PRKG1: variants seen among roughly 807,000 people sequenced by gnomAD.
The protein encoded by PRKG1 is protein kinase cGMP-dependent 1.
Under a neutral mutation model 88.1 loss-of-function variants are expected in PRKG1, and 35 were observed. That is an observed-to-expected ratio of 0.40 (90% CI 0.30 to 0.53). The LOEUF is 0.53. Ranked by LOEUF, PRKG1 falls within the 20% of genes least tolerant of loss-of-function variation. The probability of loss-of-function intolerance (pLI) is 0.59; values close to 1 mark genes in which losing one functional copy is unlikely to be tolerated. For missense variants in PRKG1, 540 were observed against 839.8 expected (o/e 0.64, Z 4.41); for synonymous variants, 303 against 292.5 (o/e 1.04, Z -0.37).
At chr10:51,058,854 C>A (rs1202203299) in intron 1 of PRKG1, among the ~76,000 whole-genome samples, 2 of 152,110 alleles carry the variant, frequency 1.3e-5, no homozygotes, top group African/African-American at 4.8e-5. Context: ...AAAAGGGGCA[C>A]AAGATTCATT....
At chr10:51,898,090 G>C (rs745394857) in intron 4 of PRKG1, among the ~76,000 whole-genome samples, 3 of 152,002 alleles carry the variant, frequency 2.0e-5, no homozygotes, top group Non-Finnish European at 4.4e-5. Flanking sequence ...GAATCTACCA[G>C]GCACTTAAAA....
At chr10:51,995,396 A>G (rs1317407035) in intron 5 of PRKG1, among the ~76,000 whole-genome samples, 2 of 152,226 alleles carry the variant, frequency 1.3e-5, no homozygotes, top group African/African-American at 4.8e-5. Context: ...AATGATCTGG[A>G]TAATAAAGGT....
chr10:52,293,863 C>T lies in PRKG1; in HGVS notation c.2024C>T (p.Pro675Leu), dbSNP rs1167875682. 2 of 1,612,910 alleles carry T rather than the reference C, an allele frequency of 1.2e-6. No individual in the cohort carries two copies. The highest frequency in any genetic ancestry group is 2.2e-5 in the South Asian group (2 of 90,978). Residue 675 changes from proline (P) to leucine (L), a missense_variant, in exon 18 of 18, where the codon CCA becomes CTA. Transcript: ENST00000373980. ...TTCCCTGAGGACAACGATGAACCACCACCTGATGACAACTCAGGATGGGAT... is the reference window on the plus strand; with the variant it reads ...TTCCCTGAGGACAACGATGAACCACTACCTGATGACAACTCAGGATGGGAT... ...DSFPEDNDEPPPDDNSGWDID... is the reference protein window; with the variant it reads ...DSFPEDNDEPLPDDNSGWDID...
intron 2 of PRKG1, among the ~76,000 whole-genome samples, chr10:51,442,319 C>G (rs571085074): frequency 2.0e-5 from 3 of 151,796 alleles, no homozygotes; most frequent in Non-Finnish European, 4.4e-5. Context: ...TTTTTTAAAG[C>G]AAATCAAATT....
intron 2 of PRKG1, among the ~76,000 whole-genome samples, chr10:51,289,172 G>A (rs536607550): frequency 6.6e-6 from 1 of 152,192 alleles, no homozygotes; most frequent in East Asian, 1.9e-4. Context: ...AAGTCCATGA[G>A]CAAGTCCAGG....
At chr10:52,138,293 C>T (rs1005320007) in intron 8 of PRKG1, among the ~76,000 whole-genome samples, 8 of 152,064 alleles carry the variant, frequency 5.3e-5, no homozygotes, top group African/African-American at 1.7e-4. Context: ...TTTTGTTGGT[C>T]AGTTCCTGGG....
At chr10:51,517,183 A>G (rs1841612635) in intron 3 of PRKG1, among the ~76,000 whole-genome samples, 1 of 152,242 alleles carries the variant, frequency 6.6e-6, no homozygotes, top group South Asian at 2.1e-4. Context: ...AGAAACAGTT[A>G]CAACTGAATG....
chr10:52,260,597 C>A (rs1315650318), intron 10 of PRKG1, among the ~76,000 whole-genome samples: 1 of 152,002 alleles, frequency 6.6e-6, no homozygotes, highest in Non-Finnish European at 1.5e-5. Flanking sequence ...TATTCATGTG[C>A]TCAATTTAAA....
At chr10:50,998,689 A>T (rs574238739) in intron 1 of PRKG1, among the ~76,000 whole-genome samples, 13 of 152,374 alleles carry the variant, frequency 8.5e-5, no homozygotes, top group African/African-American at 2.9e-4. Context: ...CAGAGGTTGC[A>T]GTGAGCCAAG....
At chr10:51,839,391 C>A (rs2132771362) in intron 4 of PRKG1, among the ~76,000 whole-genome samples, 1 of 152,286 alleles carries the variant, frequency 6.6e-6, no homozygotes, top group East Asian at 1.9e-4. Context: ...CACCCCACCT[C>A]TACCATGTTG....
chr10:52,082,702 A>G (rs1001904063), intron 7 of PRKG1, among the ~76,000 whole-genome samples: 1 of 152,110 alleles, frequency 6.6e-6, no homozygotes, highest in African/African-American at 2.4e-5. Flanking sequence ...TTTTTCTGTC[A>G]TAACACTTTC....
intron 3 of PRKG1, among the ~76,000 whole-genome samples, chr10:51,761,551 T>C (rs1838022155): frequency 6.6e-6 from 1 of 152,202 alleles, no homozygotes; most frequent in African/African-American, 2.4e-5. Context: ...AAAATGCATA[T>C]CCAGACAAAG....
At chr10:51,244,300 C>T (rs1366186131) in intron 2 of PRKG1, among the ~76,000 whole-genome samples, 2 of 143,740 alleles carry the variant, frequency 1.4e-5, no homozygotes, top group Non-Finnish European at 1.5e-5. Flanking sequence ...GGAATATTCC[C>T]TTTCTTCCTT....
Position 52,161,902 on chromosome 10 carries a change from T to C in PRKG1, c.1015T>C (p.Leu339=). The part of the protein sequence containing the change: ...LVIDRDSFKH[L]IGGLDDVSNK... ...TTCGTCTGACAGCTCTTTTAAACAT[T>C]TGATTGGAGGGCTGGATGATGTTTC... The change falls in exon 9 of 18, where the codon TTG becomes CTG. Residue 339 remains leucine (L), a synonymous_variant. Transcript: ENST00000373980. 2 of 1,612,722 alleles carry C rather than the reference T, an allele frequency of 1.2e-6. No homozygotes were observed. The highest frequency in any genetic ancestry group is 1.7e-6 in the Non-Finnish European group (2 of 1,179,340).
chr10:51,789,471 C>CA (rs953713761), intron 3 of PRKG1, among the ~76,000 whole-genome samples: 2 of 152,124 alleles, frequency 1.3e-5, no homozygotes, highest in African/African-American at 4.8e-5. Flanking sequence ...TCTCATTAGT[C>CA]AATGGCCACT....
chr10:51,573,907 C>T (rs1272621574), intron 3 of PRKG1, among the ~76,000 whole-genome samples: 1 of 151,872 alleles, frequency 6.6e-6, no homozygotes, highest in East Asian at 1.9e-4. Context: ...TTGTAAACCA[C>T]TTCTTTAGCA....
intron 1 of PRKG1, among the ~76,000 whole-genome samples, chr10:51,120,028 C>A (rs1041144549): frequency 1.3e-5 from 2 of 152,064 alleles, no homozygotes; most frequent in Non-Finnish European, 2.9e-5. Flanking sequence ...GCCTTACTTT[C>A]AAATTTCCCT....
chr10:51,526,636 G>A (rs10823129), intron 3 of PRKG1, among the ~76,000 whole-genome samples: 62,909 of 151,918 alleles, frequency 0.41, 15,098 homozygotes, highest in East Asian at 0.81. Flanking sequence ...TAGATTAGGT[G>A]GTCTGCTATT....
intron 1 of PRKG1, among the ~76,000 whole-genome samples, chr10:51,107,835 A>AT (rs1421789521): frequency 6.9e-6 from 1 of 144,246 alleles, no homozygotes; most frequent in African/African-American, 2.6e-5. Context: ...AAAAAAAAAA[A>AT]GATAAAACTT....
Sources: allele counts gnomAD v4.1 joint callset (sites outside exome capture counted in the v4.1 genomes callset), GRCh38; gene constraint gnomAD v4.1.1; transcripts MANE v1.5; gene names NCBI Gene and HGNC (gene_info 2026-07-23, HGNC 2026-07-21).